MCM5: variants seen among roughly 807,000 people sequenced by gnomAD.
MCM5 encodes the protein DNA replication licensing factor MCM5.
MCM5 carries 46 observed loss-of-function variants against 79.9 expected under a neutral mutation model. The observed-to-expected ratio is 0.58, with a 90% CI of 0.45 to 0.74. MCM5 has a LOEUF of 0.74. Among genes scored for constraint, MCM5 ranks in the 30% least tolerant of loss-of-function variants. The pLI is 0.00. For missense variants in MCM5, 883 were observed against 1,017.0 expected, an observed-to-expected ratio of 0.87 and a Z score of 1.79; for synonymous variants, 404 against 390.5, an observed-to-expected ratio of 1.03 and a Z score of -0.41.
At chr22:35,449,192 G>A in the MCM5 span, among the ~76,000 whole-genome samples, 2 of 152,198 alleles carry the variant, frequency 1.3e-5, no homozygotes, top group African/African-American at 4.8e-5. Flanking sequence ...GGCTGGTCAG[G>A]GTTGGCTTCT....
At chr22:35,454,939 T>A in the MCM5 span, among the ~76,000 whole-genome samples, 1 of 151,940 alleles carries the variant, frequency 6.6e-6, no homozygotes, top group African/African-American at 2.4e-5. Flanking sequence ...TTGACAGATG[T>A]CCCCAGAGAC....
intron 9 of MCM5, among the ~76,000 whole-genome samples, chr22:35,414,741 C>T (rs1185449516): frequency 6.6e-6 from 1 of 152,018 alleles, no homozygotes; most frequent in South Asian, 2.1e-4. Flanking sequence ...GTACTATTAC[C>T]CCTGTGTTAG....
downstream of MCM5, among the ~76,000 whole-genome samples, chr22:35,427,110 A>T (rs1932783555): frequency 1.3e-5 from 2 of 152,238 alleles, no homozygotes; most frequent in Admixed American, 6.5e-5. Flanking sequence ...CGCAGGTATC[A>T]CTGAGGAGGA....
At position 35,424,582 on chromosome 22, in the gene MCM5, G is replaced by T; in HGVS notation, c.*327G>T. 1 of 226,212 alleles carries T rather than the reference G, an allele frequency of 4.4e-6. No individual in the cohort carries two copies. 14.0% of individuals were successfully genotyped at this position (226,212 alleles called of 1,614,324 possible). ...GGTAAGTGTGAGGGAACAGGGTCTG[G>T]AGGCAGACTGGCCAGGGTTTCTGAC... On this transcript the variant is annotated 3_prime_UTR_variant, in exon 17 of 17. Coordinates refer to ENST00000216122, the MANE Select transcript of MCM5 (RefSeq NM_006739.4).
At position 35,412,523 on chromosome 22, in the gene MCM5, T is replaced by A; in HGVS notation, c.933T>A (p.Ala311=). ...TTGCCTACCAAGGCCGCAGCTTTGC[T>A]GGGGCCGTGAGCCCCCAGGAGGAGG... ...VDTDGSGRSF[A]GAVSPQEEEE... Residue 311 remains alanine (A), a synonymous_variant, in exon 8 of 17, where the codon GCT becomes GCA. Transcript: ENST00000216122. 6.4e-7 allele frequency: 1 copy of A among 1,560,836 alleles called. No homozygotes were observed. The highest frequency in any genetic ancestry group is 8.7e-7 in the Non-Finnish European group (1 of 1,152,294).
chr22:35,423,746 C>T (rs965827548), intron 16 of MCM5: 1 of 209,168 alleles, frequency 4.8e-6, no homozygotes, highest in African/African-American at 2.3e-5. Flanking sequence ...GATGGGATTT[C>T]CCAGATGCTC....
the MCM5 span, among the ~76,000 whole-genome samples, chr22:35,432,275 C>G: frequency 6.6e-6 from 1 of 152,174 alleles, no homozygotes; most frequent in Non-Finnish European, 1.5e-5. Context: ...TGAGAAAGAA[C>G]AAGTGCTCTG....
chr22:35,442,924 G>A, the MCM5 span, among the ~76,000 whole-genome samples: 1 of 152,202 alleles, frequency 6.6e-6, no homozygotes, highest in Non-Finnish European at 1.5e-5. Context: ...GTGGCAGGAG[G>A]ATAAAGTGAG....
At chr22:35,411,749 G>A (rs1381446913) in intron 7 of MCM5, among the ~76,000 whole-genome samples, 2 of 152,176 alleles carry the variant, frequency 1.3e-5, no homozygotes, top group African/African-American at 4.8e-5. Context: ...TAAAACCACT[G>A]ACAGGTAAGT....
chr22:35,407,999 G>T (rs935996914), intron 5 of MCM5, among the ~76,000 whole-genome samples: 1 of 152,198 alleles, frequency 6.6e-6, no homozygotes, highest in Non-Finnish European at 1.5e-5. Flanking sequence ...GATACGTAGA[G>T]GCTTAGACCC....
chr22:35,445,571 G>A, the MCM5 span, among the ~76,000 whole-genome samples: 11 of 149,106 alleles, frequency 7.4e-5, no homozygotes, highest in East Asian at 1.4e-3. Flanking sequence ...GTGCAGTGGC[G>A]CGATCTCAGC....
Position 35,410,836 on chromosome 22 carries a change from G to T in MCM5, c.845G>T (p.Arg282Leu). Residue 282 changes from arginine (R) to leucine (L), a missense_variant, in exon 7 of 17, where the codon CGT becomes CTT. Physicochemically the swap from Arg to Leu is moderately radical, Grantham distance 102 (BLOSUM62 -2). Around this residue, in one of 3 missense-constraint regions of MCM5, gnomAD observed 455 missense variants for 517.5 expected, o/e 0.88. Coordinates refer to ENST00000216122, the MANE Select transcript of MCM5 (RefSeq NM_006739.4). ...KKFGLTTSRG[R>L]DRVGVGIRSS... ...TTTGGCCTGACTACCAGCAGGGGCC[G>T]TGACAGGGTGGGCGTGGGCATCCGA... The T allele has an allele frequency of 6.2e-7, 1 of 1,613,840 alleles. No homozygotes were observed. Among genetic ancestry groups the T allele is most frequent in the African/African-American group, 1.3e-5 (1 of 75,018 alleles).
the MCM5 span, among the ~76,000 whole-genome samples, chr22:35,448,296 CTA>C: frequency 1.4e-4 from 22 of 152,308 alleles, no homozygotes; most frequent in African/African-American, 5.3e-4. Context: ...TTGGCTTTAG[CTA>C]TGTCTTCGTC....
chr22:35,435,624 G>A, the MCM5 span, among the ~76,000 whole-genome samples: 1 of 152,162 alleles, frequency 6.6e-6, no homozygotes, highest in Non-Finnish European at 1.5e-5. Flanking sequence ...TTGTCCTGTG[G>A]GCTTGTCGCC....
At chr22:35,426,961 C>T (rs545387356), downstream of MCM5, among the ~76,000 whole-genome samples, 1 of 152,204 alleles carries the variant, frequency 6.6e-6, no homozygotes, top group African/African-American at 2.4e-5. Context: ...ATGATGGAGT[C>T]CTTTTACCTG....
At position 35,412,444 on chromosome 22, in the gene MCM5, C is replaced by T. The variant is rs1306957152; in HGVS notation, c.920-66C>T. 3.0e-6 allele frequency: 4 copies of T among 1,351,254 alleles called. No individual in the cohort carries two copies. In the East Asian group the frequency reaches 8.0e-5, roughly 27 times the overall value. The allele number at this position is 1,351,254 out of a possible 1,614,324, so 83.7% of individuals were successfully genotyped here. On this transcript the variant is annotated intron_variant, in intron 7 of 16. Coordinates refer to ENST00000216122, the MANE Select transcript of MCM5 (RefSeq NM_006739.4). ...CTTCTGGGAGGTCCCTGAGCTGGTGCCAGGATGGGCAGTGGGCTGGAAGAG... is the reference window on the plus strand; with the variant it reads ...CTTCTGGGAGGTCCCTGAGCTGGTGTCAGGATGGGCAGTGGGCTGGAAGAG...
downstream of MCM5, among the ~76,000 whole-genome samples, chr22:35,429,049 G>A (rs1932796459): frequency 8.5e-6 from 1 of 117,282 alleles, no homozygotes; most frequent in Non-Finnish European, 1.6e-5. Flanking sequence ...GTAGTATCAT[G>A]ATCTCAGCTC....
chr22:35,412,488 T>G, intron 7 of MCM5, 22 bp from the exon 8 acceptor site: 2 of 1,514,084 alleles, frequency 1.3e-6, no homozygotes. Flanking sequence ...TACTCACTCA[T>G]GCGCCTGCTT....
At chr22:35,412,289 T>C (rs1932405001) in intron 7 of MCM5, among the ~76,000 whole-genome samples, 1 of 152,172 alleles carries the variant, frequency 6.6e-6, no homozygotes, top group African/African-American at 2.4e-5. Flanking sequence ...TCAGAACCCT[T>C]CTCCCCACTT....
Sources: gnomAD v4.1 joint callset for allele counts (sites outside exome capture counted in the v4.1 genomes callset) on GRCh38, gnomAD v4.1.1 for gene constraint, gnomAD v4.1.1 regional missense constraint, MANE v1.5 for transcripts, NCBI Gene and HGNC (gene_info 2026-07-23, HGNC 2026-07-21) for gene names.